The following GRM5 variants were observed in gnomAD, a reference collection of about 807,000 sequenced individuals.
GRM5 encodes the protein glutamate metabotropic receptor 5.
In GRM5, 19 loss-of-function variants were observed where a neutral mutation model predicts 83.1. The observed-to-expected ratio is 0.23, with a 90% CI of 0.16 to 0.34. The LOEUF (loss-of-function observed/expected upper bound fraction) is 0.34, where lower values mean the gene tolerates loss of function less well. GRM5 is among the 10% of genes least tolerant of loss of function. GRM5 has a pLI of 1.00. For missense variants in GRM5, 1,160 were observed against 1,588.3 expected, an observed-to-expected ratio of 0.73 and a Z score of 4.58; for synonymous variants, 675 against 633.6, an observed-to-expected ratio of 1.07 and a Z score of -0.98.
chr11:88,530,632 A>T (rs896134642), intron 8 of GRM5, among the ~76,000 whole-genome samples: 1 of 152,046 alleles, frequency 6.6e-6, no homozygotes, highest in Non-Finnish European at 1.5e-5. Flanking sequence ...CTTCACCTCA[A>T]TTCCTCTTTC....
chr11:88,569,821 C>G (rs1942949135), intron 7 of GRM5, among the ~76,000 whole-genome samples: 1 of 152,164 alleles, frequency 6.6e-6, no homozygotes, highest in Non-Finnish European at 1.5e-5. Flanking sequence ...GCAGGGAAAA[C>G]AAATCCTCAT....
intron 9 of GRM5, among the ~76,000 whole-genome samples, chr11:88,517,061 C>A (rs933983901): frequency 2.6e-5 from 4 of 151,746 alleles, no homozygotes; most frequent in Non-Finnish European, 5.9e-5. Flanking sequence ...TAATTGGTTA[C>A]ACAAACATAC....
At chr11:88,839,211 A>G (rs374651672) in intron 3 of GRM5, among the ~76,000 whole-genome samples, 2 of 152,324 alleles carry the variant, frequency 1.3e-5, no homozygotes, top group Admixed American at 6.5e-5. Flanking sequence ...CAAGATACAG[A>G]TACTATATAT....
At chr11:88,746,073 C>T (rs1257845100) in intron 3 of GRM5, among the ~76,000 whole-genome samples, 2 of 152,048 alleles carry the variant, frequency 1.3e-5, no homozygotes, top group Non-Finnish European at 2.9e-5. Flanking sequence ...TCATTATAGC[C>T]CCCTTTGGTT....
chr11:88,693,108 C>T (rs113794499), intron 3 of GRM5, among the ~76,000 whole-genome samples: 152 of 151,876 alleles, frequency 1.0e-3, no homozygotes, highest in African/African-American at 2.8e-3. Flanking sequence ...AAGCTATACA[C>T]GAAGATTACA....
At chr11:89,062,959 C>T (rs906940378) in intron 1 of GRM5, among the ~76,000 whole-genome samples, 1 of 152,250 alleles carries the variant, frequency 6.6e-6, no homozygotes, top group African/African-American at 2.4e-5. Flanking sequence ...GAGGAAAGAG[C>T]GGGAGGGCTC....
chr11:88,651,979 TTC>T (rs1258320486), intron 4 of GRM5, among the ~76,000 whole-genome samples: 1 of 149,318 alleles, frequency 6.7e-6, no homozygotes, highest in Non-Finnish European at 1.5e-5. Flanking sequence ...ACTAAATTGT[TTC>T]TGTTTTTATC....
intron 1 of GRM5, among the ~76,000 whole-genome samples, chr11:89,064,495 C>A (rs1433595890): frequency 1.3e-5 from 2 of 152,056 alleles, no homozygotes; most frequent in African/African-American, 2.4e-5. Flanking sequence ...TTGCCAACTG[C>A]CTTTAGTACT....
intron 3 of GRM5, among the ~76,000 whole-genome samples, chr11:88,786,413 C>T (rs1943069369): frequency 6.6e-6 from 1 of 152,128 alleles, no homozygotes; most frequent in Non-Finnish European, 1.5e-5. Context: ...GCTAACATCA[C>T]AAATCCTCTG....
chr11:88,957,081 T>C (rs1166849617), intron 2 of GRM5, among the ~76,000 whole-genome samples: 4 of 152,178 alleles, frequency 2.6e-5, no homozygotes, highest in Non-Finnish European at 5.9e-5. Context: ...GAATATACTA[T>C]GCAAATGTGA....
At chr11:88,854,395 A>G (rs918377620) in intron 2 of GRM5, among the ~76,000 whole-genome samples, 6 of 151,896 alleles carry the variant, frequency 4.0e-5, no homozygotes, top group Non-Finnish European at 8.8e-5. Flanking sequence ...ACAATAATCA[A>G]AATATTTACC....
chr11:88,648,233 G>A (rs1453612029), intron 4 of GRM5, among the ~76,000 whole-genome samples: 4 of 150,094 alleles, frequency 2.7e-5, no homozygotes, highest in South Asian at 2.1e-4. Context: ...ATTCACAATA[G>A]CAAAGACTTG....
intron 3 of GRM5, among the ~76,000 whole-genome samples, chr11:88,807,759 T>G (rs186141610): frequency 2.7e-3 from 417 of 152,212 alleles, no homozygotes; most frequent in Non-Finnish European, 5.0e-3. Context: ...AAACTACTTT[T>G]TTTTAGGCAT....
chr11:88,829,057 T>G (rs1205113855), intron 3 of GRM5, among the ~76,000 whole-genome samples: 1 of 152,052 alleles, frequency 6.6e-6, no homozygotes, highest in Non-Finnish European at 1.5e-5. Flanking sequence ...TAAAAAATTC[T>G]TAAAGACCAA....
At chr11:88,988,885 G>A (rs1329371355) in intron 2 of GRM5, among the ~76,000 whole-genome samples, 37 of 146,824 alleles carry the variant, frequency 2.5e-4, no homozygotes, top group African/African-American at 9.4e-4. Flanking sequence ...AGGAACAACC[G>A]GTACCAGCCG....
intron 3 of GRM5, among the ~76,000 whole-genome samples, chr11:88,807,166 C>T (rs944254343): frequency 2.2e-4 from 33 of 152,240 alleles, no homozygotes; most frequent in African/African-American, 7.9e-4. Flanking sequence ...TAAACCTTGA[C>T]ATAGACAGTT....
chr11:88,965,118 T>C (rs1938910681), intron 2 of GRM5, among the ~76,000 whole-genome samples: 1 of 152,196 alleles, frequency 6.6e-6, no homozygotes, highest in South Asian at 2.1e-4. Flanking sequence ...ATCTAAGGCA[T>C]ATAGTTATAT....
chr11:89,034,411 A>G (rs1310169383), intron 2 of GRM5, among the ~76,000 whole-genome samples: 2 of 151,924 alleles, frequency 1.3e-5, no homozygotes, highest in African/African-American at 2.4e-5. Context: ...CTATCCATAC[A>G]TATTCTATTC....
At chr11:88,675,550 A>T (rs1940305995) in intron 3 of GRM5, among the ~76,000 whole-genome samples, 1 of 151,966 alleles carries the variant, frequency 6.6e-6, no homozygotes, top group South Asian at 2.1e-4. Context: ...TGATATAGAA[A>T]ACAACTTAGA....
Sources: gnomAD v4.1 joint callset for allele counts (sites outside exome capture counted in the v4.1 genomes callset) on GRCh38, gnomAD v4.1.1 for gene constraint, MANE v1.5 for transcripts, NCBI Gene and HGNC (gene_info 2026-07-23, HGNC 2026-07-21) for gene names.